The following LRFN2 variants were observed in gnomAD, a reference collection of about 807,000 sequenced individuals.
LRFN2 encodes leucine-rich repeat and fibronectin type-III domain-containing protein 2.
A neutral mutation model predicts 37.3 loss-of-function variants in LRFN2; 18 were observed. The ratio of observed to expected loss-of-function variants is 0.48; its 90% CI spans 0.33 to 0.72. The LOEUF is 0.72. Among genes scored for constraint, LRFN2 ranks in the 30% least tolerant of loss-of-function variants. The pLI is 0.02. For missense variants in LRFN2, 1,006 were observed against 1,060.7 expected (o/e 0.95, Z 0.72); for synonymous variants, 556 against 466.6 (o/e 1.19, Z -2.47).
intron 2 of LRFN2, among the ~76,000 whole-genome samples, chr6:40,407,119 C>A (rs894198746): frequency 6.6e-6 from 1 of 152,210 alleles, no homozygotes. Flanking sequence ...AGTGTCCCCA[C>A]GACTGCAGGC....
intron 1 of LRFN2, among the ~76,000 whole-genome samples, chr6:40,438,657 T>C (rs1349359058): frequency 1.3e-5 from 2 of 152,124 alleles, no homozygotes; most frequent in African/African-American, 2.4e-5. Flanking sequence ...GTCTTCACTA[T>C]GGGTTTGCTT....
intron 2 of LRFN2, among the ~76,000 whole-genome samples, chr6:40,420,312 T>A (rs1429810451): frequency 2.6e-5 from 4 of 152,246 alleles, no homozygotes; most frequent in African/African-American, 9.6e-5. Context: ...TGACTTCTTG[T>A]TGTGATCCCT....
chr6:40,535,239 T>A (rs1393754346), intron 1 of LRFN2, among the ~76,000 whole-genome samples: 1 of 152,176 alleles, frequency 6.6e-6, no homozygotes, highest in Non-Finnish European at 1.5e-5. Context: ...AATGAGATGA[T>A]GAAAGGGAAT....
At chr6:40,393,871 G>C (rs1762563599) in intron 2 of LRFN2, among the ~76,000 whole-genome samples, 2 of 152,186 alleles carry the variant, frequency 1.3e-5, no homozygotes, top group Non-Finnish European at 2.9e-5. Context: ...TCAGGAGGGA[G>C]AGCGTTTGCT....
intron 2 of LRFN2, among the ~76,000 whole-genome samples, chr6:40,409,786 T>C (rs1172373250): frequency 1.3e-5 from 2 of 152,164 alleles, no homozygotes; most frequent in African/African-American, 4.8e-5. Flanking sequence ...ACCGAGAAAC[T>C]TATTGACACT....
intron 1 of LRFN2, among the ~76,000 whole-genome samples, chr6:40,509,893 G>GGT (rs1436558117): frequency 3.4e-5 from 5 of 148,666 alleles, no homozygotes; most frequent in Admixed American, 2.7e-4. Context: ...CGTAGGTAGT[G>GGT]GGGGTGAGTG....
At chr6:40,542,282 C>T (rs1337831769) in intron 1 of LRFN2, among the ~76,000 whole-genome samples, 1 of 152,056 alleles carries the variant, frequency 6.6e-6, no homozygotes, top group Non-Finnish European at 1.5e-5. Context: ...GGGATGCAGG[C>T]TGTGAGTTTT....
intron 1 of LRFN2, among the ~76,000 whole-genome samples, chr6:40,520,515 A>G (rs867680383): frequency 1.3e-5 from 2 of 152,256 alleles, no homozygotes; most frequent in African/African-American, 2.4e-5. Context: ...GTCCCACCTA[A>G]CCATCCAGCC....
At chr6:40,416,197 T>C (rs1763088242) in intron 2 of LRFN2, among the ~76,000 whole-genome samples, 2 of 152,120 alleles carry the variant, frequency 1.3e-5, no homozygotes, top group African/African-American at 4.8e-5. Context: ...TTAGTAGAGA[T>C]AGGATTTCAC....
chr6:40,554,147 C>A (rs935237236), intron 1 of LRFN2, among the ~76,000 whole-genome samples: 7 of 152,176 alleles, frequency 4.6e-5, no homozygotes, highest in Non-Finnish European at 1.0e-4. Flanking sequence ...CCTGTCCCCC[C>A]GAAGTGGGAG....
chr6:40,540,921 G>A (rs527489110), intron 1 of LRFN2, among the ~76,000 whole-genome samples: 2 of 152,174 alleles, frequency 1.3e-5, no homozygotes, highest in East Asian at 3.9e-4. Context: ...TCTATCAGAG[G>A]CTGCAGGAGG....
At chr6:40,547,272 T>C (rs556008169) in intron 1 of LRFN2, among the ~76,000 whole-genome samples, 6 of 152,146 alleles carry the variant, frequency 3.9e-5, no homozygotes, top group African/African-American at 1.4e-4. Flanking sequence ...ACCTGGCTAA[T>C]TTTTGTATTT....
At chr6:40,562,184 G>C (rs1247283700) in intron 1 of LRFN2, among the ~76,000 whole-genome samples, 1 of 152,164 alleles carries the variant, frequency 6.6e-6, no homozygotes, top group Non-Finnish European at 1.5e-5. Flanking sequence ...AGATGGAGTT[G>C]TGGGCAAGGC....
intron 2 of LRFN2, among the ~76,000 whole-genome samples, chr6:40,430,770 G>A (rs905648945): frequency 2.0e-5 from 3 of 152,192 alleles, no homozygotes; most frequent in Admixed American, 6.5e-5. Flanking sequence ...GGCCCAGGGG[G>A]TTCAGCACAG....
intron 1 of LRFN2, among the ~76,000 whole-genome samples, 178 bp from the exon 2 acceptor site, chr6:40,433,309 T>C (rs1340816946): frequency 6.6e-6 from 1 of 152,268 alleles, no homozygotes; most frequent in East Asian, 1.9e-4. Flanking sequence ...GTTTCTCTTT[T>C]CCTTAGCTTT....
At chr6:40,469,767 A>C (rs1216755562) in intron 1 of LRFN2, among the ~76,000 whole-genome samples, 1 of 152,106 alleles carries the variant, frequency 6.6e-6, no homozygotes, top group African/African-American at 2.4e-5. Context: ...GGCCTCTCTC[A>C]TGAACTACAG....
At chr6:40,446,571 T>C (rs1201125915) in intron 1 of LRFN2, among the ~76,000 whole-genome samples, 1 of 152,250 alleles carries the variant, frequency 6.6e-6, no homozygotes, top group African/African-American at 2.4e-5. Context: ...GTATTTATTG[T>C]GCTACATCAT....
intron 1 of LRFN2, among the ~76,000 whole-genome samples, chr6:40,529,421 T>C (rs556384600): frequency 6.6e-6 from 1 of 152,248 alleles, no homozygotes; most frequent in East Asian, 1.9e-4. Context: ...CCAAACTGCC[T>C]ACCATGCTAT....
chr6:40,555,490 A>T (rs1766855884), intron 1 of LRFN2, among the ~76,000 whole-genome samples: 6 of 152,192 alleles, frequency 3.9e-5, no homozygotes, highest in Admixed American at 3.9e-4. Context: ...TCTGAGCCCC[A>T]TCCGGGAGGT....
Sources: allele counts gnomAD v4.1 joint callset (sites outside exome capture counted in the v4.1 genomes callset), GRCh38; gene constraint gnomAD v4.1.1; transcripts MANE v1.5; gene names NCBI Gene and HGNC (gene_info 2026-07-23, HGNC 2026-07-21).